GRIN3B: variants seen among roughly 807,000 people sequenced by gnomAD.
The protein encoded by GRIN3B is glutamate ionotropic receptor NMDA type subunit 3B, also known as glutamate receptor ionotropic, NMDA 3B.
GRIN3B carries 77 observed loss-of-function variants against 66.0 expected under a neutral mutation model. That is an observed-to-expected ratio of 1.17 (90% CI 0.97 to 1.41). The LOEUF is 1.41. Ranked by LOEUF, GRIN3B falls within the 40% of genes most tolerant of loss-of-function variation. GRIN3B has a pLI of 0.00. For missense variants in GRIN3B, 1,787 were observed against 1,564.5 expected (o/e 1.14, Z -2.40); for synonymous variants, 823 against 749.7 (o/e 1.10, Z -1.60).
Position 1,005,308 on chromosome 19 carries a change from C to T in GRIN3B, c.1807C>T (p.Leu603Phe). ...GTACGAGTGGCGTAGCCCCTACGGC[C>T]TCACGCCACGTGGCCGCAACCGCAG... ...TVYEWRSPYG[L>F]TPRGRNRSTV... The change falls in exon 3 of 9, where the codon CTC becomes TTC. Residue 603 changes from leucine (L) to phenylalanine (F), a missense_variant. By Grantham distance (22) the Leu-to-Phe change is conservative. Coordinates refer to ENST00000234389, the MANE Select transcript of GRIN3B (RefSeq NM_138690.3). This position sits in a 1 kb window ranked among gnomAD's most constrained non-coding sequence, Gnocchi z 5.2. 6.2e-7 allele frequency: 1 copy of T among 1,613,636 alleles called. No individual in the cohort carries two copies. The highest frequency in any genetic ancestry group is 8.5e-7 in the Non-Finnish European group (1 of 1,179,980).
chr19:1,003,598 C>A lies in GRIN3B; in HGVS notation c.895C>A (p.Leu299Met). 6.8e-7 allele frequency: 1 copy of A among 1,465,784 alleles called. No homozygotes were observed. Among genetic ancestry groups the A allele is most frequent in the South Asian group, 1.4e-5 (1 of 73,702 alleles). 90.8% of individuals were successfully genotyped at this position (1,465,784 alleles called of 1,614,324 possible). A position where few individuals can be genotyped will look rare whatever the true frequency, so the allele number is the denominator to read the frequency against. ...GGCCGCCATCCATGACATTGTGCAA[C>A]TGGTGGCCCGGGCGCTGGGCAGTGC... ...LEAAIHDIVQ[L>M]VARALGSAAQ... Residue 299 changes from leucine to methionine, a missense_variant, in exon 2 of 9, where the codon CTG becomes ATG. Transcript: ENST00000234389.
rs764514861 is a variant in GRIN3B at position 1,007,926 on chromosome 19, G to A, written c.2269G>A (p.Ala757Thr). ...CCTGGACTACGAGGTCTCCATCGAC[G>A]CCGACTGCAAACTGCTGACCGTGGG... ...SLLDYEVSID[A>T]DCKLLTVGKP... Residue 757 changes from alanine (A) to threonine (T), a missense_variant, in exon 5 of 9, where the codon GCC becomes ACC. Ala to Thr is a moderately conservative substitution (Grantham distance 58). Transcript: ENST00000234389. This position sits in a 1 kb window ranked among gnomAD's most constrained non-coding sequence, Gnocchi z 4.4. 16 of 1,611,886 alleles carry A rather than the reference G, an allele frequency of 9.9e-6. No homozygotes were observed. The highest frequency in any genetic ancestry group is 1.1e-5 in the Non-Finnish European group (13 of 1,179,616).
rs142853420 is a variant in GRIN3B at position 1,009,186 on chromosome 19, GAGCAGC to G, written c.2731_2736del (p.Gln911_Gln912del). 6.1e-5 allele frequency: 90 copies of G among 1,471,228 alleles called. No individual in the cohort carries two copies. The highest frequency in any genetic ancestry group is 1.6e-4 in the South Asian group (12 of 74,366). The allele number at this position is 1,471,228 out of a possible 1,614,324, so 91.1% of individuals were successfully genotyped here. On this transcript the variant is annotated inframe_deletion, in exon 9 of 9. Transcript: ENST00000234389. Reference sequence around the variant, plus strand: ...TTCCGTCCCCAGCGGCCCCGAGGTGGAGCAGCAGCAGCAGCAGCAGGACCAGCCAAC... The same window carrying G: ...TTCCGTCCCCAGCGGCCCCGAGGTGGAGCAGCAGCAGCAGGACCAGCCAAC...
chr19:1,005,559 CGGCCTCGGGGGGCTGCGGGT>C lies in GRIN3B; in HGVS notation c.2052+12_2052+31del, dbSNP rs949946251. 1 of 1,568,776 alleles carries C rather than the reference CGGCCTCGGGGGGCTGCGGGT, an allele frequency of 6.4e-7. No individual in the cohort carries two copies. Among genetic ancestry groups the C allele is most frequent in the Admixed American group, 1.8e-5 (1 of 55,386 alleles). On this transcript the variant is annotated splice_region_variant and intron_variant, in intron 3 of 8. Transcript: ENST00000234389. This position sits in a 1 kb window ranked among gnomAD's most constrained non-coding sequence, Gnocchi z 5.2. ...CGGGGATCCACGACCCCAAGGTGGGCGGCCTCGGGGGGCTGCGGGTGGCCTTGGGGGGCTAGCGGTGGCCC... is the reference window on the plus strand; with the variant it reads ...CGGGGATCCACGACCCCAAGGTGGGCGGCCTTGGGGGGCTAGCGGTGGCCC...
At chr19:1,008,313 AGGGTGG>A (rs768142629) in intron 6 of GRIN3B, 22 bp downstream of exon 6, 31 of 113,738 alleles carry the variant, frequency 2.7e-4, no homozygotes, top group African/African-American at 1.9e-3. Context: ...CCTGGGACAG[AGGGTGG>A]GGGTGGGGGT....
chr19:1,007,782 G>C lies in GRIN3B; in HGVS notation c.2198+9G>C, dbSNP rs767156355. ...GGCGTCGCCATGCTCACGTGAGCCC[G>C]GGCGCGGGGTGAGGCGGGGGCGGGG... On this transcript the variant is annotated intron_variant, in intron 4 of 8. Transcript: ENST00000234389. The surrounding 1 kb of genome is among the most constrained non-coding windows in gnomAD (Gnocchi z 4.4). The C allele has an allele frequency of 6.5e-5, 98 of 1,509,074 alleles. 1 individual carries two copies. In the East Asian group the frequency reaches 6.8e-4, roughly 11 times the overall value. 93.5% of individuals were successfully genotyped at this position (1,509,074 alleles called of 1,614,324 possible).
chr19:1,003,203 A>C lies in GRIN3B; in HGVS notation c.500A>C (p.Gln167Pro). The C allele has an allele frequency of 2.0e-6, 3 of 1,538,014 alleles. No individual in the cohort carries two copies. In the South Asian group the frequency reaches 3.7e-5, roughly 19 times the overall value. The change falls in exon 2 of 9, where the codon CAG becomes CCG. Residue 167 changes from glutamine (Q) to proline (P), a missense_variant. Coordinates refer to ENST00000234389, the MANE Select transcript of GRIN3B (RefSeq NM_138690.3). ...TLLDVLVAVL[Q>P]AHAWEDVGLA... ...CTGGATGTGCTGGTGGCGGTGCTGC[A>C]GGCGCACGCCTGGGAAGACGTCGGC... is the stretch of plus-strand genomic sequence containing the variant.
Position 1,005,302 on chromosome 19 carries a change from TACGGCCTCACGCC to T in GRIN3B, c.1805_1817del (p.Gly602ValfsTer41). The stretch of plus-strand genomic sequence containing the variant: ...CACCGTGTACGAGTGGCGTAGCCCC[TACGGCCTCACGCC>T]ACGTGGCCGCAACCGCAGCACCGTC... On this transcript the variant is annotated frameshift_variant, in exon 3 of 9. Coordinates refer to ENST00000234389, the MANE Select transcript of GRIN3B (RefSeq NM_138690.3). LOFTEE classifies it high-confidence loss of function. This position sits in a 1 kb window ranked among gnomAD's most constrained non-coding sequence, Gnocchi z 5.2. 4.3e-6 allele frequency: 7 copies of T among 1,613,632 alleles called. No individual in the cohort carries two copies. Among genetic ancestry groups the T allele is most frequent in the Non-Finnish European group, 5.9e-6 (7 of 1,179,994 alleles).
Position 1,008,230 on chromosome 19 carries a change from T to C in GRIN3B, c.2405T>C (p.Leu802Pro). 1.9e-6 allele frequency: 3 copies of C among 1,605,304 alleles called. No homozygotes were observed. Among genetic ancestry groups the C allele is most frequent in the South Asian group, 1.1e-5 (1 of 90,706 alleles). ...TACAAGTCCTCCGGCTTCATCGACC[T>C]GCTCCACGACAAGTGGTACAAGATG... is the stretch of plus-strand genomic sequence containing the variant. Reference protein sequence around the residue: ...SRYKSSGFIDLLHDKWYKMVP... With the variant: ...SRYKSSGFIDPLHDKWYKMVP... The change falls in exon 6 of 9, where the codon CTG becomes CCG. Residue 802 changes from leucine to proline, a missense_variant. Transcript: ENST00000234389.
Position 1,009,703 on chromosome 19 carries a change from C to T in GRIN3B, c.*101C>T, listed in dbSNP as rs1328060535. On this transcript the variant is annotated 3_prime_UTR_variant, in exon 9 of 9. Transcript: ENST00000234389. Reference sequence around the variant, plus strand: ...TATACAAACACAATTTTGTACACTGCAATTAAATAGAATGGAATGAGCGCT... The same window carrying T: ...TATACAAACACAATTTTGTACACTGTAATTAAATAGAATGGAATGAGCGCT... 5 of 998,166 alleles carry T rather than the reference C, an allele frequency of 5.0e-6. No homozygotes were observed. Among genetic ancestry groups the T allele is most frequent in the Non-Finnish European group, 5.4e-6 (4 of 744,058 alleles). The allele number at this position is 998,166 out of a possible 1,614,324, so 61.8% of individuals were successfully genotyped here. A position where few individuals can be genotyped will look rare whatever the true frequency, so the allele number is the denominator to read the frequency against.
In GRIN3B at chr19:1,005,283, G is replaced by A; in HGVS notation, c.1782G>A (p.Val594=). 1 of 1,613,584 alleles carries A rather than the reference G, an allele frequency of 6.2e-7. No homozygotes were observed. The highest frequency in any genetic ancestry group is 1.1e-5 in the South Asian group (1 of 91,086). The part of the protein sequence containing the change: ...ALHLTALFLT[V]YEWRSPYGLT... ...ACCTCACCGCGCTCTTCCTCACCGT[G>A]TACGAGTGGCGTAGCCCCTACGGCC... The change falls in exon 3 of 9, where the codon GTG becomes GTA. Residue 594 remains valine, a synonymous_variant. Coordinates refer to ENST00000234389, the MANE Select transcript of GRIN3B (RefSeq NM_138690.3). The surrounding 1 kb of genome is among the most constrained non-coding windows in gnomAD (Gnocchi z 5.2).
rs369346897 is a variant in GRIN3B, at chr19:1,004,525, C to T, written c.1024C>T (p.Leu342=). 3.2e-6 allele frequency: 5 copies of T among 1,549,084 alleles called. No individual in the cohort carries two copies. The South Asian group carries it at 5.7e-5, about 18-fold the overall frequency. Residue 342 remains leucine (L), a synonymous_variant, in exon 3 of 9, where the codon CTG becomes TTG. Transcript: ENST00000234389. ...ESPGRFLARF[L]ANTSFQGRTG... is the part of the protein sequence containing the mutation. ...CCCCCCCCGCCCTGCCCCTAGGTTC[C>T]TGGCCAACACGTCCTTCCAGGGCCG...
Position 1,003,576 on chromosome 19 carries a change from C to A in GRIN3B, c.873C>A (p.Ala291=). ...AGGTGGCACGACCCCCGCTGGAGGC[C>A]GCCATCCATGACATTGTGCAACTGG... ...LGEVARPPLE[A]AIHDIVQLVA... is the part of the protein sequence containing the mutation. The change falls in exon 2 of 9, where the codon GCC becomes GCA. Residue 291 remains alanine, a synonymous_variant. Coordinates refer to ENST00000234389, the MANE Select transcript of GRIN3B (RefSeq NM_138690.3). 6.7e-7 allele frequency: 1 copy of A among 1,496,392 alleles called. No individual in the cohort carries two copies. Among genetic ancestry groups the A allele is most frequent in the Non-Finnish European group, 8.9e-7 (1 of 1,128,814 alleles). 92.7% of individuals were successfully genotyped at this position (1,496,392 alleles called of 1,614,324 possible). A position where few individuals can be genotyped will look rare whatever the true frequency, so the allele number is the denominator to read the frequency against.
At position 1,008,171 on chromosome 19, in the gene GRIN3B, G is replaced by A. The variant is rs758410406; in HGVS notation, c.2346G>A (p.Pro782=). ...GYGIGLPQNS[P]LTSNLSEFIS... Reference sequence around the variant, plus strand: ...GGATCGGACTGCCCCAGAACTCGCCGCTCACCTCCAACCTGTCCGAGTTCA... The same window carrying A: ...GGATCGGACTGCCCCAGAACTCGCCACTCACCTCCAACCTGTCCGAGTTCA... Residue 782 remains proline, a synonymous_variant, in exon 6 of 9, where the codon CCG becomes CCA. Coordinates refer to ENST00000234389, the MANE Select transcript of GRIN3B (RefSeq NM_138690.3). 1.0e-5 allele frequency: 16 copies of A among 1,605,136 alleles called. No homozygotes were observed. In the African/African-American group the frequency reaches 1.9e-4, roughly 19 times the overall value.
chr19:1,009,265 G>A lies in GRIN3B; in HGVS notation c.2795G>A (p.Arg932His), dbSNP rs759709104. 207 of 1,421,406 alleles carry A rather than the reference G, an allele frequency of 1.5e-4. 3 individuals carry two copies. In the South Asian group the frequency reaches 3.0e-3, roughly 20 times the overall value. 88.0% of individuals were successfully genotyped at this position (1,421,406 alleles called of 1,614,324 possible). A position where few individuals can be genotyped will look rare whatever the true frequency, so the allele number is the denominator to read the frequency against. ...GCGCGCCGGGCCGTGGACAAGGAGC[G>A]CCGCGTGCGCTTCCTGCTGGAGCCC... Reference protein sequence around the residue: ...KRARRAVDKERRVRFLLEPAV... With the variant: ...KRARRAVDKEHRVRFLLEPAV... Residue 932 changes from arginine to histidine, a missense_variant, in exon 9 of 9, where the codon CGC (arginine) becomes CAC (histidine). Coordinates refer to ENST00000234389, the MANE Select transcript of GRIN3B (RefSeq NM_138690.3).
At position 1,008,778 on chromosome 19, in the gene GRIN3B, G is replaced by A. The variant is rs554888496; in HGVS notation, c.2627G>A (p.Ser876Asn). The change falls in exon 7 of 9, where the codon AGC becomes AAC. Residue 876 changes from serine (S) to asparagine (N), a missense_variant. Coordinates refer to ENST00000234389, the MANE Select transcript of GRIN3B (RefSeq NM_138690.3). ...GSRLQYWLHT[S>N]QKIHRALNTE... ...AGGCTGCAGTACTGGCTGCACACCA[G>A]CCAGGTGGGGAGCGGGTGGGCGGCG... The A allele has an allele frequency of 2.5e-6, 4 of 1,601,438 alleles. No homozygotes were observed. Among genetic ancestry groups the A allele is most frequent in the South Asian group, 1.1e-5 (1 of 90,078 alleles).
intron 1 of GRIN3B, 43 bp from the exon 2 acceptor site, chr19:1,003,087 G>T: frequency 7.5e-7 from 1 of 1,332,992 alleles, no homozygotes; most frequent in South Asian, 1.6e-5. Flanking sequence ...GGTTTTGTGG[G>T]GGTGGAGGTC....
Position 1,009,674 on chromosome 19 carries a change from T to A in GRIN3B, c.*72T>A. On this transcript the variant is annotated 3_prime_UTR_variant, in exon 9 of 9. Coordinates refer to ENST00000234389, the MANE Select transcript of GRIN3B (RefSeq NM_138690.3). ...GAGCCGCTGTCAACAGACAGTTTAT[T>A]CTATATACAAACACAATTTTGTACA... 3 of 1,215,924 alleles carry A rather than the reference T, an allele frequency of 2.5e-6. No homozygotes were observed. The highest frequency in any genetic ancestry group is 2.1e-6 in the Non-Finnish European group (2 of 935,560). 75.3% of individuals were successfully genotyped at this position (1,215,924 alleles called of 1,614,324 possible).
Position 1,009,305 on chromosome 19 carries a change from A to G in GRIN3B, c.2835A>G (p.Ala945=). The change falls in exon 9 of 9, where the codon GCA becomes GCG. Residue 945 remains alanine, a synonymous_variant. Transcript: ENST00000234389. ...TGCTGGAGCCCGCCGTGGTTGTGGC[A>G]CCCGAAGCGGACGCGGAGGCGGAGG... ...RFLLEPAVVV[A]PEADAEAEAA... is the part of the protein sequence containing the mutation. The G allele has an allele frequency of 2.1e-6, 3 of 1,408,760 alleles. No homozygotes were observed. Among genetic ancestry groups the G allele is most frequent in the African/African-American group, 1.5e-5 (1 of 65,760 alleles). 87.3% of individuals were successfully genotyped at this position (1,408,760 alleles called of 1,614,324 possible).
Sources: allele counts gnomAD v4.1 joint callset, GRCh38; gene constraint gnomAD v4.1.1; non-coding constraint Gnocchi (gnomAD v3.1); transcripts MANE v1.5; gene names NCBI Gene and HGNC (gene_info 2026-07-23, HGNC 2026-07-21).